EXOC2: variants seen among roughly 807,000 people sequenced by gnomAD.
EXOC2 encodes SEC5-like 1.
EXOC2 carries 70 observed loss-of-function variants against 131.8 expected under a neutral mutation model. The ratio of observed to expected loss-of-function variants is 0.53; its 90% confidence interval spans 0.44 to 0.65. The LOEUF (loss-of-function observed/expected upper bound fraction) is 0.65. Among genes scored for constraint, EXOC2 ranks in the 30% least tolerant of loss-of-function variants. EXOC2 has a pLI of 0.00. For missense variants in EXOC2, 923 were observed against 1,108.6 expected (o/e 0.83, Z 2.38); for synonymous variants, 411 against 398.4 (o/e 1.03, Z -0.38).
In EXOC2 at chr6:617,719, G is replaced by A. The variant is rs1280262467; in HGVS notation, c.653C>T (p.Ala218Val). ...GLSTFFEAQDALSAIHQKLEA... is the reference protein window; with the variant it reads ...GLSTFFEAQDVLSAIHQKLEA... The stretch of plus-strand genomic sequence containing the variant: ...TCTGAGGATCGCCTTACCTGAGAGG[G>A]CATCCTGTGCTTCGAAGAATGTACT... The change falls in exon 6 of 28, where the codon GCC (alanine) becomes GTC (valine). Residue 218 changes from alanine (A) to valine (V), a missense_variant. By Grantham distance (64) the Ala-to-Val change is moderately conservative. Transcript: ENST00000230449. 6.2e-7 allele frequency: 1 copy of A among 1,611,818 alleles called. No homozygotes were observed. The highest frequency in any genetic ancestry group is 8.5e-7 in the Non-Finnish European group (1 of 1,178,904).
chr6:662,009 A>G (rs1581651599), intron 1 of EXOC2, among the ~76,000 whole-genome samples: 1 of 152,234 alleles, frequency 6.6e-6, no homozygotes, highest in Admixed American at 6.5e-5. Context: ...AGCTATTCTT[A>G]TATCAGACAA....
chr6:534,547 G>A (rs1430523160), intron 22 of EXOC2, among the ~76,000 whole-genome samples: 2 of 152,158 alleles, frequency 1.3e-5, no homozygotes, highest in Non-Finnish European at 2.9e-5. Flanking sequence ...TTTCTCACAT[G>A]CAGTACTGGG....
At position 549,345 on chromosome 6, in the gene EXOC2, G is replaced by A. The variant is rs1757027658; in HGVS notation, c.2122-54C>T. The A allele has an allele frequency of 3.1e-6, 4 of 1,275,520 alleles. No homozygotes were observed. The South Asian group carries it at 4.9e-5, about 16-fold the overall frequency. The allele number at this position is 1,275,520 out of a possible 1,614,324, so 79.0% of individuals were successfully genotyped here. A position where few individuals can be genotyped will look rare whatever the true frequency, so the allele number is the denominator to read the frequency against. Reference sequence around the variant, plus strand: ...CACCTTTATGGTGCCAGAGAGAATAGCTGATTAACACTTGTCAAGTTTAAT... The same window carrying A: ...CACCTTTATGGTGCCAGAGAGAATAACTGATTAACACTTGTCAAGTTTAAT... On this transcript the variant is annotated intron_variant, in intron 21 of 27. Transcript: ENST00000230449.
At chr6:488,896 CATT>C (rs1763256218) in intron 27 of EXOC2, 80 bp downstream of exon 27, 2 of 1,394,564 alleles carry the variant, frequency 1.4e-6, no homozygotes, top group Non-Finnish European at 2.0e-6. Flanking sequence ...GAATCCAAAT[CATT>C]ATTTTTAAAA....
intron 17 of EXOC2, among the ~76,000 whole-genome samples, chr6:558,408 T>C (rs900041885): frequency 2.0e-5 from 3 of 152,244 alleles, no homozygotes; most frequent in Non-Finnish European, 4.4e-5. Context: ...TTACTGACCT[T>C]ACTCATCTAA....
At chr6:562,705 C>T in intron 17 of EXOC2, 79 bp downstream of exon 17, 1 of 915,000 alleles carries the variant, frequency 1.1e-6, no homozygotes, top group Non-Finnish European at 1.6e-6. Context: ...ACATGGAGCA[C>T]ATGCTCCCTA....
In EXOC2 at chr6:557,617, C is replaced by CAAAAA. The variant is rs59474432; in HGVS notation, c.1852-1058_1852-1054dup. On this transcript the variant is annotated intron_variant, in intron 17 of 27. Coordinates refer to ENST00000230449, the MANE Select transcript of EXOC2 (RefSeq NM_018303.6). ...TGGGTGACAGAGAGAGACTTCATCT[C>CAAAAA]AAAAAAAAAAAAAAAAAAGAAAAGA... Among the ~76,000 whole-genome samples the CAAAAA allele has an allele frequency of 4.5e-5, 5 of 111,156 alleles. 1 individual carries two copies. The highest frequency in any genetic ancestry group is 1.9e-4 in the Admixed American group (2 of 10,270). The allele number at this position is 111,156 out of a possible 152,430, so 72.9% of individuals were successfully genotyped here. A position where few individuals can be genotyped will look rare whatever the true frequency, so the allele number is the denominator to read the frequency against.
chr6:652,774 G>T (rs1325732403), intron 1 of EXOC2, among the ~76,000 whole-genome samples: 3 of 152,184 alleles, frequency 2.0e-5, no homozygotes, highest in Admixed American at 2.0e-4. Context: ...CAACATTTTG[G>T]TTAACATGAA....
chr6:553,877 G>C lies in EXOC2; in HGVS notation c.2098C>G (p.His700Asp). Reference protein sequence around the residue: ...VSSPDLFGSIHEDFSLTSEQR... With the variant: ...VSSPDLFGSIDEDFSLTSEQR... ...ACTGAGGTCAAGCTGAAGTCTTCAT[G>C]GATACTTCCAAACAAGTCAGGGGAA... The change falls in exon 21 of 28, where the codon CAT becomes GAT. Residue 700 changes from histidine to aspartate, a missense_variant. By Grantham distance (81) the His-to-Asp change is moderately conservative. Transcript: ENST00000230449. The C allele has an allele frequency of 6.2e-7, 1 of 1,613,920 alleles. No individual in the cohort carries two copies. The highest frequency in any genetic ancestry group is 2.2e-5 in the East Asian group (1 of 44,872).
chr6:681,263 T>G (rs953557074), intron 1 of EXOC2, among the ~76,000 whole-genome samples: 8 of 152,150 alleles, frequency 5.3e-5, no homozygotes, highest in Admixed American at 5.2e-4. Context: ...AAATCCAAAT[T>G]AACCAAACAT....
intron 2 of EXOC2, among the ~76,000 whole-genome samples, chr6:634,780 T>C (rs1762020582): frequency 6.6e-6 from 1 of 152,302 alleles, no homozygotes; most frequent in Admixed American, 6.5e-5. Flanking sequence ...AATATATTCA[T>C]TATTCAAAAT....
At chr6:575,926 G>C (rs1338005757) in intron 12 of EXOC2, among the ~76,000 whole-genome samples, 1 of 152,158 alleles carries the variant, frequency 6.6e-6, no homozygotes, top group Admixed American at 6.5e-5. Flanking sequence ...AATCGGACAA[G>C]AAGAAGGAAT....
At chr6:653,883 C>A (rs1459158106) in intron 1 of EXOC2, among the ~76,000 whole-genome samples, 3 of 152,210 alleles carry the variant, frequency 2.0e-5, no homozygotes, top group Non-Finnish European at 4.4e-5. Context: ...GCTAATGTAG[C>A]TGGTAATTTT....
intron 6 of EXOC2, 131 bp downstream of exon 6, chr6:617,576 CAAAT>C: frequency 3.5e-5 from 45 of 1,268,108 alleles, no homozygotes; most frequent in Non-Finnish European, 4.4e-5. Context: ...TACTCTGCAA[CAAAT>C]ATTTATAGCA....
At chr6:633,922 T>C (rs757341741) in intron 2 of EXOC2, among the ~76,000 whole-genome samples, 3 of 152,178 alleles carry the variant, frequency 2.0e-5, no homozygotes, top group Non-Finnish European at 2.9e-5. Context: ...TCAGGGGGAA[T>C]ACCAGCATGG....
intron 24 of EXOC2, among the ~76,000 whole-genome samples, chr6:498,541 T>A (rs569249325): frequency 6.6e-6 from 1 of 152,362 alleles, no homozygotes. Flanking sequence ...TTAAATCATA[T>A]AAAAACTCTA....
intron 1 of EXOC2, among the ~76,000 whole-genome samples, chr6:668,770 T>C (rs1202047736): frequency 6.6e-6 from 1 of 152,222 alleles, no homozygotes; most frequent in Non-Finnish European, 1.5e-5. Context: ...GCATAGTATT[T>C]GCATATAACC....
chr6:595,568 C>A (rs1408257677), intron 10 of EXOC2, among the ~76,000 whole-genome samples: 1 of 152,066 alleles, frequency 6.6e-6, no homozygotes, highest in East Asian at 1.9e-4. Context: ...TTGGCACTAC[C>A]ACCTTTTAAA....
Position 555,965 on chromosome 6 carries a change from T to C in EXOC2, c.1981A>G (p.Asn661Asp), listed in dbSNP as rs1757396027. Residue 661 changes from asparagine to aspartate, a missense_variant, in exon 19 of 28, where the codon AAT becomes GAT. Physicochemically the swap from Asn to Asp is conservative, Grantham distance 23. Transcript: ENST00000230449. ...CTTTCTATTATTACCTGCATTATAT[T>C]GATGCTTAGCTGGCAAACCTCCTCC... ...TQEEVCQLSI[N>D]IMQVFIYCLE... 6.2e-7 allele frequency: 1 copy of C among 1,614,156 alleles called. No homozygotes were observed. Among genetic ancestry groups the C allele is most frequent in the Non-Finnish European group, 8.5e-7 (1 of 1,180,008 alleles).
Sources: allele counts gnomAD v4.1 joint callset (sites outside exome capture counted in the v4.1 genomes callset), GRCh38; gene constraint gnomAD v4.1.1; transcripts MANE v1.5; gene names NCBI Gene and HGNC (gene_info 2026-07-23, HGNC 2026-07-21).